METTL24: variants seen among roughly 807,000 people sequenced by gnomAD.
The protein encoded by METTL24 is probable methyltransferase-like protein 24.
In METTL24, 29 loss-of-function variants were observed where a neutral mutation model predicts 32.7. The observed-to-expected ratio is 0.89, with a 90% CI of 0.66 to 1.21. The LOEUF (loss-of-function observed/expected upper bound fraction) is 1.21. Ranked by LOEUF, METTL24 falls within the 50% of genes most tolerant of loss-of-function variation. The probability of loss-of-function intolerance (pLI) is 0.00; values close to 1 mark genes in which losing one functional copy is unlikely to be tolerated. For synonymous variants in METTL24, 163 were observed against 179.5 expected (o/e 0.91, Z 0.73); for missense variants, 439 against 468.1 (o/e 0.94, Z 0.57).
chr6:110,333,862 T>G (rs2038289), intron 1 of METTL24, among the ~76,000 whole-genome samples: 1 of 152,052 alleles, frequency 6.6e-6, no homozygotes, highest in Admixed American at 6.5e-5. Flanking sequence ...CTTAAGTGCA[T>G]TTACATTACT....
intron 4 of METTL24, among the ~76,000 whole-genome samples, chr6:110,296,613 G>T (rs1413568081): frequency 6.6e-6 from 1 of 152,170 alleles, no homozygotes; most frequent in East Asian, 1.9e-4. Context: ...TTCTTGAGTG[G>T]CTGGAATCTA....
At chr6:110,262,610 T>C (rs1770757116) in intron 4 of METTL24, among the ~76,000 whole-genome samples, 1 of 152,162 alleles carries the variant, frequency 6.6e-6, no homozygotes, top group African/African-American at 2.4e-5. Flanking sequence ...CCTCCCTAAC[T>C]CATTTTATGA....
chr6:110,297,464 T>G (rs1205679497), intron 4 of METTL24, among the ~76,000 whole-genome samples: 2 of 152,174 alleles, frequency 1.3e-5, no homozygotes, highest in African/African-American at 2.4e-5. Context: ...CAGTCTTTTC[T>G]TTGAAGAGTG....
intron 1 of METTL24, among the ~76,000 whole-genome samples, chr6:110,335,777 T>C (rs573916641): frequency 5.5e-4 from 84 of 152,240 alleles, no homozygotes; most frequent in South Asian, 1.4e-3. Context: ...AGCTGCTTCA[T>C]ATTATAATTG....
intron 1 of METTL24, among the ~76,000 whole-genome samples, chr6:110,351,706 G>T (rs542619536): frequency 6.6e-6 from 1 of 152,186 alleles, no homozygotes; most frequent in Non-Finnish European, 1.5e-5. Context: ...TTGGGCAGGC[G>T]CCCTAGGCCT....
At chr6:110,256,131 TAAG>T (rs1045362805) in intron 4 of METTL24, among the ~76,000 whole-genome samples, 2 of 151,880 alleles carry the variant, frequency 1.3e-5, no homozygotes, top group African/African-American at 2.4e-5. Context: ...GAGAAAACAT[TAAG>T]AAGTCTCGGG....
At chr6:110,336,536 A>C (rs1283726278) in intron 1 of METTL24, among the ~76,000 whole-genome samples, 1 of 152,004 alleles carries the variant, frequency 6.6e-6, no homozygotes. Context: ...GTCAGGAGAT[A>C]GAGACCATCC....
chr6:110,356,591 C>T (rs1187185274), intron 1 of METTL24, among the ~76,000 whole-genome samples: 4 of 152,178 alleles, frequency 2.6e-5, no homozygotes, highest in Non-Finnish European at 5.9e-5. Context: ...TGGAAATCAC[C>T]GGATGCCTGT....
At chr6:110,293,626 C>G (rs2114727136) in intron 4 of METTL24, among the ~76,000 whole-genome samples, 1 of 151,860 alleles carries the variant, frequency 6.6e-6, no homozygotes, top group African/African-American at 2.4e-5. Flanking sequence ...ATCTTAAGAA[C>G]TATATTAAAT....
At chr6:110,322,105 G>A (rs996579937) in intron 2 of METTL24, among the ~76,000 whole-genome samples, 20 of 152,136 alleles carry the variant, frequency 1.3e-4, no homozygotes, top group African/African-American at 4.8e-4. Context: ...CTTGAGAATG[G>A]AACCTTCTGA....
chr6:110,249,157 A>G (rs558145664), intron 4 of METTL24, among the ~76,000 whole-genome samples: 3 of 152,136 alleles, frequency 2.0e-5, no homozygotes, highest in African/African-American at 7.2e-5. Flanking sequence ...AGTGATGTAT[A>G]AGGAATATAT....
At chr6:110,326,717 T>C (rs9386887) in intron 1 of METTL24, among the ~76,000 whole-genome samples, 45,021 of 152,084 alleles carry the variant, frequency 0.3, 11,761 homozygotes, top group African/African-American at 0.7. Flanking sequence ...CCCTTACAAG[T>C]CTAAAGGGAA....
chr6:110,282,882 GAATAAT>G (rs1771162754), intron 4 of METTL24, among the ~76,000 whole-genome samples: 2 of 152,110 alleles, frequency 1.3e-5, no homozygotes, highest in African/African-American at 4.8e-5. Flanking sequence ...AAATTGGACA[GAATAAT>G]AATTATGTCT....
At chr6:110,300,783 C>T (rs144242237) in intron 3 of METTL24, among the ~76,000 whole-genome samples, 7 of 150,826 alleles carry the variant, frequency 4.6e-5, no homozygotes, top group East Asian at 1.9e-4. Flanking sequence ...TTCAACCAAC[C>T]GCAGATTGAA....
intron 4 of METTL24, among the ~76,000 whole-genome samples, chr6:110,289,934 G>A (rs867504550): frequency 9.9e-5 from 15 of 151,414 alleles, no homozygotes; most frequent in East Asian, 3.9e-4. Flanking sequence ...AAGGAAATTC[G>A]TACAGTTTAA....
At chr6:110,300,647 C>G (rs1023089867) in intron 3 of METTL24, among the ~76,000 whole-genome samples, 2 of 151,996 alleles carry the variant, frequency 1.3e-5, no homozygotes, top group African/African-American at 4.8e-5. Context: ...TCTCGAACTC[C>G]TGACCTCAGG....
intron 4 of METTL24, among the ~76,000 whole-genome samples, chr6:110,294,466 T>C (rs1031829853): frequency 6.6e-5 from 10 of 151,768 alleles, no homozygotes; most frequent in African/African-American, 1.9e-4. Flanking sequence ...AATAGAAATA[T>C]AAGCTTTAGC....
At chr6:110,303,825 G>A (rs901766699) in intron 3 of METTL24, among the ~76,000 whole-genome samples, 4 of 152,234 alleles carry the variant, frequency 2.6e-5, no homozygotes, top group African/African-American at 7.2e-5. Context: ...CTAAGGTACA[G>A]ACTGCCTCTG....
At chr6:110,294,053 A>G (rs1401015764) in intron 4 of METTL24, among the ~76,000 whole-genome samples, 6 of 152,112 alleles carry the variant, frequency 3.9e-5, no homozygotes, top group Non-Finnish European at 2.9e-5. Flanking sequence ...AACAATACAT[A>G]CAAATGGATT....
Sources: allele counts gnomAD v4.1 joint callset (sites outside exome capture counted in the v4.1 genomes callset), GRCh38; gene constraint gnomAD v4.1.1; transcripts MANE v1.5; gene names NCBI Gene and HGNC (gene_info 2026-07-23, HGNC 2026-07-21).